The following PCIF1 variants were observed in gnomAD, a reference collection of about 807,000 sequenced individuals.
PCIF1 encodes mRNA (2'-O-methyladenosine-N(6)-)-methyltransferase.
In PCIF1, 12 loss-of-function variants were observed where a neutral mutation model predicts 86.9. That is an observed-to-expected ratio of 0.14 (90% CI 0.09 to 0.22). The LOEUF (loss-of-function observed/expected upper bound fraction) is 0.22, where lower values mean the gene tolerates loss of function less well. Among genes scored for constraint, PCIF1 ranks in the 10% least tolerant of loss-of-function variants. The pLI, the probability that PCIF1 is intolerant of heterozygous loss-of-function variation, is 1.00. For synonymous variants in PCIF1, 397 were observed against 372.0 expected (o/e 1.07, Z -0.77); for missense variants, 701 against 951.1 (o/e 0.74, Z 3.46).
chr20:45,938,842 G>T, intron 2 of PCIF1, 139 bp from the exon 3 acceptor site: 1 of 1,109,282 alleles, frequency 9.0e-7, no homozygotes, highest in South Asian at 1.4e-5. Flanking sequence ...CAGGGCTGCT[G>T]TGTGGCACCA....
In PCIF1 at chr20:45,947,365, T is replaced by A. The variant is rs779747083; in HGVS notation, c.1810T>A (p.Phe604Ile). 6.2e-7 allele frequency: 1 copy of A among 1,613,978 alleles called. No homozygotes were observed. The highest frequency in any genetic ancestry group is 8.5e-7 in the Non-Finnish European group (1 of 1,180,016). ...PALTRMEQSRFKRHQLILPAF... is the reference protein window; with the variant it reads ...PALTRMEQSRIKRHQLILPAF... ...GCTCACCCGCATGGAGCAGAGCCGCTTCAAACGCCACCAGTTGATCCTGCC... is the reference window on the plus strand; with the variant it reads ...GCTCACCCGCATGGAGCAGAGCCGCATCAAACGCCACCAGTTGATCCTGCC... Residue 604 changes from phenylalanine to isoleucine, a missense_variant, in exon 16 of 17, where the codon TTC becomes ATC. By Grantham distance (21) the Phe-to-Ile change is conservative. Transcript: ENST00000372409. The surrounding 1 kb of genome is among the most constrained non-coding windows in gnomAD (Gnocchi z 5.4).
At position 45,940,007 on chromosome 20, in the gene PCIF1, G is replaced by T. The variant is rs1297284954; in HGVS notation, c.250-468G>T. Among the ~76,000 whole-genome samples, 3 of 152,228 alleles carry T rather than the reference G, an allele frequency of 2.0e-5. No individual in the cohort carries two copies. In the East Asian group the frequency reaches 5.8e-4, roughly 29 times the overall value. The stretch of plus-strand genomic sequence containing the variant: ...AATAGGCAGAGCAGGACGCACACCT[G>T]ATGTGAGTTCAGGGCCACACTACTC... On this transcript the variant is annotated intron_variant, in intron 4 of 16. Coordinates refer to ENST00000372409, the MANE Select transcript of PCIF1 (RefSeq NM_022104.4).
intron 7 of PCIF1, among the ~76,000 whole-genome samples, chr20:45,941,920 A>G (rs1266414487): frequency 2.1e-5 from 3 of 141,880 alleles, no homozygotes; most frequent in African/African-American, 7.8e-5. Context: ...TAATAAACCT[A>G]TTTAACCTTG....
chr20:45,942,278 CTTT>C (rs764329042), intron 7 of PCIF1, among the ~76,000 whole-genome samples: 3 of 118,150 alleles, frequency 2.5e-5, no homozygotes, highest in East Asian at 2.4e-4. Context: ...CCGGCCCACC[CTTT>C]TTTTTTTTTT....
intron 2 of PCIF1, among the ~76,000 whole-genome samples, chr20:45,938,716 T>C (rs1387617012): frequency 6.6e-6 from 1 of 152,072 alleles, no homozygotes; most frequent in Non-Finnish European, 1.5e-5. Flanking sequence ...AAGGAAGGCT[T>C]CCTGGAGGAT....
Position 45,947,778 on chromosome 20 carries a change from C to T in PCIF1, c.*23C>T. The T allele has an allele frequency of 6.3e-7, 1 of 1,587,636 alleles. No homozygotes were observed. The highest frequency in any genetic ancestry group is 8.5e-7 in the Non-Finnish European group (1 of 1,171,784). ...TAACATATCCTGCGGGGAGGAGGAG[C>T]CCCAGGGGTGCTAGTCTGGACTGCT... is the stretch of plus-strand genomic sequence containing the variant. On this transcript the variant is annotated 3_prime_UTR_variant, in exon 17 of 17. Coordinates refer to ENST00000372409, the MANE Select transcript of PCIF1 (RefSeq NM_022104.4). This position sits in a 1 kb window ranked among gnomAD's most constrained non-coding sequence, Gnocchi z 5.4.
chr20:45,946,814 C>T (rs1383661363), intron 14 of PCIF1, among the ~76,000 whole-genome samples: 1 of 152,212 alleles, frequency 6.6e-6, no homozygotes, highest in Non-Finnish European at 1.5e-5. Flanking sequence ...GGTGTAGCTT[C>T]TGCTGTGGTG....
chr20:45,939,769 T>G (rs533433999), intron 4 of PCIF1, among the ~76,000 whole-genome samples: 1 of 151,686 alleles, frequency 6.6e-6, no homozygotes, highest in Non-Finnish European at 1.5e-5. Flanking sequence ...AGTGAGTGAG[T>G]GTGGGGAGGA....
At position 45,938,966 on chromosome 20, in the gene PCIF1, T is replaced by G; in HGVS notation, c.-19-15T>G. 6.2e-7 allele frequency: 1 copy of G among 1,612,536 alleles called. No homozygotes were observed. Among genetic ancestry groups the G allele is most frequent in the Non-Finnish European group, 8.5e-7 (1 of 1,179,354 alleles). On this transcript the variant is annotated splice_polypyrimidine_tract_variant and intron_variant, in intron 2 of 16. Transcript: ENST00000372409. ...AGGGGGTGGAGCTGACACTCTTTGGTCCTCTGTGTGGCAGGTCCTGTGTGG... is the reference window on the plus strand; with the variant it reads ...AGGGGGTGGAGCTGACACTCTTTGGGCCTCTGTGTGGCAGGTCCTGTGTGG...
At chr20:45,935,219 C>A (rs1467675167) in intron 1 of PCIF1, among the ~76,000 whole-genome samples, 1 of 151,596 alleles carries the variant, frequency 6.6e-6, no homozygotes, top group Non-Finnish European at 1.5e-5. Flanking sequence ...CGCTGGAGCT[C>A]GCCTCTCGCC....
intron 4 of PCIF1, 59 bp downstream of exon 4, chr20:45,939,398 C>G (rs2083451325): frequency 4.4e-6 from 7 of 1,603,446 alleles, no homozygotes; most frequent in Non-Finnish European, 5.9e-6. Flanking sequence ...TGGGCCTTCC[C>G]CAAATGTACC....
At chr20:45,944,811 GC>G (rs1416447223) in intron 10 of PCIF1, 56 bp from the exon 11 acceptor site, 1 of 1,559,396 alleles carries the variant, frequency 6.4e-7, no homozygotes, top group African/African-American at 1.4e-5. Context: ...TTACCTGCCA[GC>G]CCAGCTGAGC....
At position 45,937,564 on chromosome 20, in the gene PCIF1, C is replaced by G; in HGVS notation, c.-41C>G. 1 of 399,010 alleles carries G rather than the reference C, an allele frequency of 2.5e-6. No individual in the cohort carries two copies. The highest frequency in any genetic ancestry group is 4.4e-6 in the Non-Finnish European group (1 of 226,076). The allele number at this position is 399,010 out of a possible 1,614,324, so 24.7% of individuals were successfully genotyped here. ...GGCTGGAGAAGAAAAGCCTCTCATG[C>G]TAACGTTGCAGACCCCAGAGGGTGA... On this transcript the variant is annotated 5_prime_UTR_variant, in exon 2 of 17. Transcript: ENST00000372409.
In PCIF1 at chr20:45,946,256, G is replaced by A; in HGVS notation, c.1485G>A (p.Val495=). The A allele has an allele frequency of 6.2e-7, 1 of 1,614,168 alleles. No homozygotes were observed. The highest frequency in any genetic ancestry group is 2.2e-5 in the East Asian group (1 of 44,888). Residue 495 remains valine (V), a synonymous_variant, in exon 14 of 17, where the codon GTG becomes GTA. Transcript: ENST00000372409. ...CTGGCCTGCAGGGATCGCTGCCTGT[G>A]CATGTCTTTGAGGCCCTCCACCGAC... ...EGTGLQGSLP[V]HVFEALHRLF... is the part of the protein sequence containing the mutation.
rs779376749 is a variant in PCIF1 at position 45,947,578 on chromosome 20, C to T, written c.1938C>T (p.Asn646=). 26 of 1,613,468 alleles carry T rather than the reference C, an allele frequency of 1.6e-5. No individual in the cohort carries two copies. Among genetic ancestry groups the T allele is most frequent in the Admixed American group, 1.0e-4 (6 of 60,014 alleles). ...VHNTAVLFLQ[N]DPGFAKWAPT... is the part of the protein sequence containing the mutation. ...ACACGGCTGTGCTCTTCCTACAGAA[C>T]GACCCTGGCTTTGCCAAGTGGGCGC... The change falls in exon 17 of 17, where the codon AAC becomes AAT. Residue 646 remains asparagine (N), a synonymous_variant. Transcript: ENST00000372409. This position sits in a 1 kb window ranked among gnomAD's most constrained non-coding sequence, Gnocchi z 5.4.
intron 1 of PCIF1, among the ~76,000 whole-genome samples, chr20:45,936,546 C>A (rs1250537333): frequency 6.6e-6 from 1 of 151,860 alleles, no homozygotes; most frequent in Non-Finnish European, 1.5e-5. Context: ...AGCACAGTGG[C>A]ATGATCATAC....
Position 45,938,988 on chromosome 20 carries a change from GT to G in PCIF1, c.-11del. The G allele has an allele frequency of 6.2e-7, 1 of 1,613,930 alleles. No individual in the cohort carries two copies. The highest frequency in any genetic ancestry group is 8.5e-7 in the Non-Finnish European group (1 of 1,179,924). The stretch of plus-strand genomic sequence containing the variant: ...TGGTCCTCTGTGTGGCAGGTCCTGT[GT>G]GGGTGTGGAGATGGCCAATGAGAAT... On this transcript the variant is annotated 5_prime_UTR_variant, in exon 3 of 17. Coordinates refer to ENST00000372409, the MANE Select transcript of PCIF1 (RefSeq NM_022104.4).
chr20:45,941,460 T>C (rs1279497361), intron 7 of PCIF1, among the ~76,000 whole-genome samples: 3 of 152,214 alleles, frequency 2.0e-5, no homozygotes, highest in Non-Finnish European at 4.4e-5. Flanking sequence ...ATTTTATTTA[T>C]TTATTTTTTT....
At position 45,939,540 on chromosome 20, in the gene PCIF1, A is replaced by G. The variant is rs540049502; in HGVS notation, c.249+201A>G. 2.6e-5 allele frequency among the ~76,000 whole-genome samples: 4 copies of G among 152,352 alleles called. No individual in the cohort carries two copies. The South Asian group carries it at 6.2e-4, about 24-fold the overall frequency. On this transcript the variant is annotated intron_variant, in intron 4 of 16. Coordinates refer to ENST00000372409, the MANE Select transcript of PCIF1 (RefSeq NM_022104.4). ...GACTGACAAGTAAACAGATGATTGCATGGCTGCTGCACGGTGGGTGCTGTG... is the reference window on the plus strand; with the variant it reads ...GACTGACAAGTAAACAGATGATTGCGTGGCTGCTGCACGGTGGGTGCTGTG...
Sources: gnomAD v4.1 joint callset for allele counts (sites outside exome capture counted in the v4.1 genomes callset) on GRCh38, gnomAD v4.1.1 for gene constraint, Gnocchi (gnomAD v3.1) non-coding constraint, MANE v1.5 for transcripts, NCBI Gene and HGNC (gene_info 2026-07-23, HGNC 2026-07-21) for gene names.